CD101: variants seen among roughly 807,000 people sequenced by gnomAD.
CD101 encodes the protein CD101 molecule.
In CD101, 76 loss-of-function variants were observed where a neutral mutation model predicts 98.2. The observed-to-expected ratio is 0.77, with a 90% CI of 0.64 to 0.94. The LOEUF (loss-of-function observed/expected upper bound fraction) is 0.94. Among genes scored for constraint, CD101 ranks in the 40% least tolerant of loss-of-function variants. The probability of loss-of-function intolerance (pLI) is 0.00; values close to 1 mark genes in which losing one functional copy is unlikely to be tolerated. For missense variants in CD101, 1,145 were observed against 1,218.8 expected (o/e 0.94, Z 0.90); for synonymous variants, 471 against 472.7 (o/e 1.00, Z 0.05).
Position 117,023,535 on chromosome 1 carries a change from G to T in CD101, c.2428+1552G>T, listed in dbSNP as rs1653705755. ...GGGTTCAAGCAATTCTCCTGCCTCAGCCTCCAGAGTAGCTGGGACTACAGG... is the reference window on the plus strand; with the variant it reads ...GGGTTCAAGCAATTCTCCTGCCTCATCCTCCAGAGTAGCTGGGACTACAGG... On this transcript the variant is annotated intron_variant, in intron 7 of 9. Coordinates refer to ENST00000682167, the MANE Select transcript of CD101 (RefSeq NM_001256106.3). The surrounding 1 kb of genome is among the most constrained non-coding windows in gnomAD (Gnocchi z 4.4). 1.3e-5 allele frequency among the ~76,000 whole-genome samples: 2 copies of T among 151,934 alleles called. No individual in the cohort carries two copies. Among genetic ancestry groups the T allele is most frequent in the South Asian group, 4.1e-4 (2 of 4,826 alleles).
chr1:117,025,890 C>T lies in CD101; in HGVS notation c.2810C>T (p.Thr937Met), dbSNP rs367547701. The change falls in exon 8 of 10, where the codon ACG becomes ATG. Residue 937 changes from threonine (T) to methionine (M), a missense_variant. By Grantham distance (81) the Thr-to-Met change is moderately conservative. Transcript: ENST00000682167. ...ASDESQRMVL[T>M]VLPSEPTLPS... ...GATGAGTCACAGCGGATGGTGCTCA[C>T]GGTGCTGCCTTCAGGTAACCAGGGG... is the stretch of plus-strand genomic sequence containing the variant. The T allele has an allele frequency of 1.1e-5, 17 of 1,609,230 alleles. No individual in the cohort carries two copies. Among genetic ancestry groups the T allele is most frequent in the South Asian group, 6.6e-5 (6 of 90,770 alleles).
intron 7 of CD101, among the ~76,000 whole-genome samples, chr1:117,025,110 C>A (rs1037852718): frequency 2.0e-5 from 3 of 152,222 alleles, no homozygotes; most frequent in African/African-American, 4.8e-5. Flanking sequence ...TGCCTGTAAT[C>A]CCAACACTTT....
intron 1 of CD101, among the ~76,000 whole-genome samples, chr1:117,009,371 A>G (rs1298514416): frequency 6.6e-6 from 1 of 152,268 alleles, no homozygotes; most frequent in Non-Finnish European, 1.5e-5. Flanking sequence ...AGATAGTTCC[A>G]ACCAACCAGC....
rs540918500 is a variant in CD101, at chr1:117,016,252, C to T, written c.1229-838C>T. Among the ~76,000 whole-genome samples the T allele has an allele frequency of 1.7e-4, 25 of 148,966 alleles. 1 individual carries two copies. The South Asian group carries it at 4.2e-3, about 25-fold the overall frequency. ...ATATGTATATATACACGTATTTTCC[C>T]GCCAAGTAATTGTTTTTCATGGTAA... On this transcript the variant is annotated intron_variant, in intron 4 of 9. Coordinates refer to ENST00000682167, the MANE Select transcript of CD101 (RefSeq NM_001256106.3).
rs1570745799 is a variant in CD101, at chr1:117,029,253, G to GA, written c.2824+3352dup. On this transcript the variant is annotated intron_variant, in intron 8 of 9. Transcript: ENST00000682167. ...AGAAAGAAAGAAAGAAAGAAAGAAA[G>GA]AAAGAAAGAAAGAAAGAAAGAGTAG... is the stretch of plus-strand genomic sequence containing the variant. 5.7e-5 allele frequency among the ~76,000 whole-genome samples: 8 copies of GA among 140,642 alleles called. 1 individual carries two copies. In the East Asian group the frequency reaches 1.4e-3, roughly 24 times the overall value. 92.3% of individuals were successfully genotyped at this position (140,642 alleles called of 152,430 possible). A position where few individuals can be genotyped will look rare whatever the true frequency, so the allele number is the denominator to read the frequency against.
Position 117,025,504 on chromosome 1 carries a change from T to A in CD101, c.2429-5T>A, listed in dbSNP as rs774209716. ...TCTCTAATTTACTGCCATTTTATTT[T>A]CTAGGAAGTAAGGTACGTGTCTCCA... On this transcript the variant is annotated splice_polypyrimidine_tract_variant and splice_region_variant and intron_variant, in intron 7 of 9. Transcript: ENST00000682167. 2.6e-6 allele frequency: 4 copies of A among 1,518,602 alleles called. No homozygotes were observed. The highest frequency in any genetic ancestry group is 3.5e-6 in the Non-Finnish European group (4 of 1,137,506). 94.1% of individuals were successfully genotyped at this position (1,518,602 alleles called of 1,614,324 possible).
rs949271826 is a variant in CD101, at chr1:117,019,902, G to A, written c.2017+1342G>A. ...CCTTGTATCTAAACTCCCACAGTGT[G>A]ACATGCAAGGTCCTTTATCATCTGG... On this transcript the variant is annotated intron_variant, in intron 6 of 9. Coordinates refer to ENST00000682167, the MANE Select transcript of CD101 (RefSeq NM_001256106.3). This position sits in a 1 kb window ranked among gnomAD's most constrained non-coding sequence, Gnocchi z 4.3. Among the ~76,000 whole-genome samples the A allele has an allele frequency of 1.8e-4, 27 of 152,240 alleles. No homozygotes were observed. The highest frequency in any genetic ancestry group is 6.2e-4 in the South Asian group (3 of 4,822).
At chr1:117,035,549 C>A (rs367652545) in intron 9 of CD101, among the ~76,000 whole-genome samples, 4 of 136,668 alleles carry the variant, frequency 2.9e-5, no homozygotes, top group South Asian at 4.7e-4. Context: ...GAAATGAAGA[C>A]TTTTTTTTTT....
chr1:117,026,289 A>G (rs1297734423), intron 8 of CD101: 1 of 185,600 alleles, frequency 5.4e-6, no homozygotes, highest in Admixed American at 5.5e-5. Flanking sequence ...CAATAAAGGT[A>G]ACAATCCTAA....
At position 117,025,597 on chromosome 1, in the gene CD101, A is replaced by T; in HGVS notation, c.2517A>T (p.Val839=). The T allele has an allele frequency of 6.2e-7, 1 of 1,613,954 alleles. No homozygotes were observed. The highest frequency in any genetic ancestry group is 8.5e-7 in the Non-Finnish European group (1 of 1,180,010). Residue 839 remains valine (V), a synonymous_variant, in exon 8 of 10, where the codon GTA becomes GTT. Transcript: ENST00000682167. ...EVAIRCSLES[V]GSSATLYSVM... Reference sequence around the variant, plus strand: ...CCATCCGCTGCAGCCTGGAGAGTGTAGGCAGCTCAGCCACTCTGTACTCTG... The same window carrying T: ...CCATCCGCTGCAGCCTGGAGAGTGTTGGCAGCTCAGCCACTCTGTACTCTG...
intron 4 of CD101, among the ~76,000 whole-genome samples, chr1:117,016,134 C>A (rs1653202369): frequency 6.7e-6 from 1 of 150,200 alleles, no homozygotes; most frequent in African/African-American, 2.4e-5. Flanking sequence ...TTGTCGTACA[C>A]CTTGTTGTAC....
Position 117,004,130 on chromosome 1 carries a change from T to C in CD101, c.43+2270T>C, listed in dbSNP as rs1252812914. ...CCACCCAAACTAGCTGCCCTACAAA[T>C]AATGGCCATTAATATGGCAGGGTTT... On this transcript the variant is annotated intron_variant, in intron 1 of 9. Coordinates refer to ENST00000682167, the MANE Select transcript of CD101 (RefSeq NM_001256106.3). This position sits in a 1 kb window ranked among gnomAD's most constrained non-coding sequence, Gnocchi z 4.1. Among the ~76,000 whole-genome samples, 1 of 152,128 alleles carries C rather than the reference T, an allele frequency of 6.6e-6. No individual in the cohort carries two copies. The highest frequency in any genetic ancestry group is 1.5e-5 in the Non-Finnish European group (1 of 68,024).
rs1381158839 is a variant in CD101 at position 117,023,666 on chromosome 1, C to G, written c.2428+1683C>G. Among the ~76,000 whole-genome samples, 2 of 152,100 alleles carry G rather than the reference C, an allele frequency of 1.3e-5. No homozygotes were observed. Among genetic ancestry groups the G allele is most frequent in the Non-Finnish European group, 2.9e-5 (2 of 68,026 alleles). On this transcript the variant is annotated intron_variant, in intron 7 of 9. Coordinates refer to ENST00000682167, the MANE Select transcript of CD101 (RefSeq NM_001256106.3). The surrounding 1 kb of genome is among the most constrained non-coding windows in gnomAD (Gnocchi z 4.4). ...TCCTGACCTCAGGTGATCCACCTGC[C>G]TTGGCCTCCCAAAGTGCTGGGATTA... is the stretch of plus-strand genomic sequence containing the variant.
chr1:117,021,639 T>C lies in CD101; in HGVS notation c.2084T>C (p.Ile695Thr), dbSNP rs371723692. The change falls in exon 7 of 10, where the codon ATA becomes ACA. Residue 695 changes from isoleucine (I) to threonine (T), a missense_variant. Ile to Thr is a moderately conservative substitution (Grantham distance 89). Coordinates refer to ENST00000682167, the MANE Select transcript of CD101 (RefSeq NM_001256106.3). This position sits in a 1 kb window ranked among gnomAD's most constrained non-coding sequence, Gnocchi z 4.7. ...QELSINSNTD[I>T]ECSILSRSNG... ...CTCTCCATCAACTCCAACACTGATA[T>C]AGAATGTAGCATCTTGTCCCGGTCC... 17 of 1,613,696 alleles carry C rather than the reference T, an allele frequency of 1.1e-5. No homozygotes were observed. The highest frequency in any genetic ancestry group is 1.6e-4 in the Middle Eastern group (1 of 6,082).
At chr1:117,028,936 CA>C (rs1243551657) in intron 8 of CD101, among the ~76,000 whole-genome samples, 2 of 149,852 alleles carry the variant, frequency 1.3e-5, no homozygotes, top group African/African-American at 2.5e-5. Flanking sequence ...CAAAAGTTGT[CA>C]AAAAAAAGTG....
In CD101 at chr1:117,023,255, C is replaced by T. The variant is rs1653689259; in HGVS notation, c.2428+1272C>T. On this transcript the variant is annotated intron_variant, in intron 7 of 9. Coordinates refer to ENST00000682167, the MANE Select transcript of CD101 (RefSeq NM_001256106.3). The surrounding 1 kb of genome is among the most constrained non-coding windows in gnomAD (Gnocchi z 4.4). ...GTCATCCACACCAAACTCTTGACCA[C>T]ATGTGCATGGCCGTCTTCAGGAGGC... Among the ~76,000 whole-genome samples the T allele has an allele frequency of 3.3e-5, 5 of 152,232 alleles. No individual in the cohort carries two copies. Among genetic ancestry groups the T allele is most frequent in the Admixed American group, 3.3e-4 (5 of 15,284 alleles).
At chr1:117,028,829 C>T (rs1654129125) in intron 8 of CD101, among the ~76,000 whole-genome samples, 1 of 152,058 alleles carries the variant, frequency 6.6e-6, no homozygotes, top group Non-Finnish European at 1.5e-5. Context: ...TCAGGGAAGT[C>T]AGACTGCAGC....
intron 2 of CD101, 49 bp from the exon 3 acceptor site, chr1:117,011,501 C>A: frequency 1.3e-6 from 2 of 1,528,226 alleles, no homozygotes; most frequent in Middle Eastern, 1.9e-4. Flanking sequence ...AGGAGGCCCA[C>A]TGGACAAGCA....
intron 8 of CD101, among the ~76,000 whole-genome samples, chr1:117,030,298 C>T (rs908969740): frequency 6.6e-5 from 10 of 151,980 alleles, no homozygotes; most frequent in Admixed American, 6.6e-4. Flanking sequence ...GGGAGGATTG[C>T]TTGAGTTTGG....
Sources: gnomAD v4.1 joint callset for allele counts (sites outside exome capture counted in the v4.1 genomes callset) on GRCh38, gnomAD v4.1.1 for gene constraint, Gnocchi (gnomAD v3.1) non-coding constraint, MANE v1.5 for transcripts, NCBI Gene and HGNC (gene_info 2026-07-23, HGNC 2026-07-21) for gene names.